PDE4D: variants seen among roughly 807,000 people sequenced by gnomAD.
The protein encoded by PDE4D is phosphodiesterase 4D, also known as 3',5'-cyclic-AMP phosphodiesterase 4D.
A neutral mutation model predicts 87.4 loss-of-function variants in PDE4D; 24 were observed. That is an observed-to-expected ratio of 0.27 (90% confidence interval 0.20 to 0.39). The LOEUF (loss-of-function observed/expected upper bound fraction) is 0.39. Ranked by LOEUF, PDE4D falls within the 10% of genes least tolerant of loss-of-function variation. The pLI is 1.00. For missense variants in PDE4D, 714 were observed against 1,041.0 expected, an observed-to-expected ratio of 0.69 and a Z score of 4.32; for synonymous variants, 384 against 383.2, an observed-to-expected ratio of 1.00 and a Z score of -0.02.
chr5:59,172,319 A>C (rs1783111491), intron 5 of PDE4D, among the ~76,000 whole-genome samples: 1 of 132,496 alleles, frequency 7.5e-6, no homozygotes. Context: ...AATTTTATAA[A>C]ATATATAATA....
chr5:59,810,661 C>T (rs926865310), intron 1 of PDE4D, among the ~76,000 whole-genome samples: 1 of 152,218 alleles, frequency 6.6e-6, no homozygotes, highest in Non-Finnish European at 1.5e-5. Context: ...CCACCAGCCT[C>T]AGGGTCACTG....
At chr5:59,191,434 A>C (rs1016283478) in intron 3 of PDE4D, among the ~76,000 whole-genome samples, 1 of 152,078 alleles carries the variant, frequency 6.6e-6, no homozygotes, top group Non-Finnish European at 1.5e-5. Flanking sequence ...TTTGGTTAGA[A>C]ACAAGAATAG....
At chr5:60,367,557 A>G (rs1760665520) in intron 1 of PDE4D, among the ~76,000 whole-genome samples, 1 of 151,930 alleles carries the variant, frequency 6.6e-6, no homozygotes, top group East Asian at 1.9e-4. Flanking sequence ...CTACTCCTTA[A>G]TAGAATATGA....
At chr5:60,465,810 C>T (rs1430044402) in intron 1 of PDE4D, among the ~76,000 whole-genome samples, 1 of 151,336 alleles carries the variant, frequency 6.6e-6, no homozygotes, top group Non-Finnish European at 1.5e-5. Flanking sequence ...TGGGCAAAAT[C>T]ATCTAACACA....
chr5:59,166,605 T>C (rs1288951202), intron 5 of PDE4D, among the ~76,000 whole-genome samples: 2 of 152,212 alleles, frequency 1.3e-5, no homozygotes, highest in Admixed American at 1.3e-4. Context: ...ATTGTAATGA[T>C]TTTAGGGCTC....
chr5:59,817,429 A>AC (rs1245534148), intron 1 of PDE4D, among the ~76,000 whole-genome samples: 1 of 152,202 alleles, frequency 6.6e-6, no homozygotes, highest in African/African-American at 2.4e-5. Context: ...TGGGAAAGAC[A>AC]CATAGTAAAC....
chr5:59,233,142 T>C (rs74932693), intron 1 of PDE4D, among the ~76,000 whole-genome samples: 2,592 of 152,224 alleles, frequency 0.017, 80 homozygotes, highest in African/African-American at 0.059. Flanking sequence ...TAATGTATCA[T>C]ATATTTCAAA....
At chr5:59,611,995 G>A (rs1325056505) in intron 1 of PDE4D, among the ~76,000 whole-genome samples, 2 of 152,072 alleles carry the variant, frequency 1.3e-5, no homozygotes, top group Non-Finnish European at 2.9e-5. Flanking sequence ...TTTTATCAAT[G>A]CCCCTGAGGT....
At position 60,311,798 on chromosome 5, in the gene PDE4D, C is replaced by T. The variant is rs115642615; in HGVS notation, c.-89-126111G>A. Among the ~76,000 whole-genome samples, 356 of 152,324 alleles carry T rather than the reference C, an allele frequency of 2.3e-3. 1 individual carries two copies. The highest frequency in any genetic ancestry group is 4.0e-3 in the Non-Finnish European group (270 of 68,024). ...AGTTGAATGAAGAAACAAGACCTAA[C>T]TGTATGCTATCTTCAAGAGACCCAT... is the stretch of plus-strand genomic sequence containing the variant. On this transcript the variant is annotated intron_variant, in intron 1 of 16. Transcript: ENST00000502484.
rs73761049 is a variant in PDE4D, at chr5:59,917,342, C to T, written c.272+71146G>A. 5.2e-3 allele frequency among the ~76,000 whole-genome samples: 791 copies of T among 152,144 alleles called. 3 individuals carry two copies. The highest frequency in any genetic ancestry group is 0.018 in the African/African-American group (762 of 41,510). On this transcript the variant is annotated intron_variant, in intron 3 of 16. Coordinates refer to the PDE4D transcript ENST00000502484. ...GCTTGTGACTCATGGCTTAGCTGGT[C>T]TCAATGGGGAACAAACCAGAGAGTC... is the stretch of plus-strand genomic sequence containing the variant.
chr5:60,206,251 C>T (rs1414151160), intron 1 of PDE4D, among the ~76,000 whole-genome samples: 1 of 152,194 alleles, frequency 6.6e-6, no homozygotes, highest in Admixed American at 6.5e-5. Flanking sequence ...TTAACACTGT[C>T]TCAGAAATTC....
At chr5:59,822,812 G>A (rs1023596389) in intron 1 of PDE4D, among the ~76,000 whole-genome samples, 1 of 152,140 alleles carries the variant, frequency 6.6e-6, no homozygotes, top group African/African-American at 2.4e-5. Context: ...CTTCAAATAT[G>A]ACAGTCAAGT....
Position 60,443,048 on chromosome 5 carries a change from A to T in PDE4D, c.-90+44894T>A, listed in dbSNP as rs909360222. 7.9e-5 allele frequency among the ~76,000 whole-genome samples: 12 copies of T among 152,288 alleles called. No individual in the cohort carries two copies. In the East Asian group the frequency reaches 1.2e-3, roughly 15 times the overall value. On this transcript the variant is annotated intron_variant, in intron 1 of 16. Coordinates refer to the PDE4D transcript ENST00000502484. ...GGACCACGGAAGAAACAGAAAATAA[A>T]ACAGAAAGATACGAGCAAATAGACA...
intron 1 of PDE4D, among the ~76,000 whole-genome samples, chr5:59,855,361 C>T (rs1247271981): frequency 6.6e-6 from 1 of 152,028 alleles, no homozygotes; most frequent in African/African-American, 2.4e-5. Flanking sequence ...TACAAAGATA[C>T]ACGTAATAAC....
intron 1 of PDE4D, among the ~76,000 whole-genome samples, chr5:59,817,775 G>A (rs1038464868): frequency 1.3e-5 from 2 of 150,500 alleles, no homozygotes; most frequent in African/African-American, 4.9e-5. Context: ...AAGGCCATGT[G>A]AGGACATAGT....
intron 2 of PDE4D, among the ~76,000 whole-genome samples, chr5:59,993,330 C>A (rs1763201348): frequency 6.6e-6 from 1 of 152,108 alleles, no homozygotes; most frequent in Non-Finnish European, 1.5e-5. Flanking sequence ...TATCCAGGCA[C>A]AAAGATGTTC....
intron 1 of PDE4D, among the ~76,000 whole-genome samples, chr5:59,720,690 T>A (rs1755701276): frequency 6.6e-6 from 1 of 152,108 alleles, no homozygotes; most frequent in Non-Finnish European, 1.5e-5. Context: ...AACATAGTGG[T>A]GTTCAAGACC....
rs1298391358 is a variant in PDE4D, at chr5:59,893,233, G to A, written c.390C>T (p.Thr130=). ...AMDRTSYAVE[T]GHRPGLKKSR... ...ATTTCTTCAGGCCGGGCCGGTGGCCGGTCTCCACCGCGTAGGAGGTGCGGT... is the reference window on the plus strand; with the variant it reads ...ATTTCTTCAGGCCGGGCCGGTGGCCAGTCTCCACCGCGTAGGAGGTGCGGT... Residue 130 remains threonine (T), a synonymous_variant, in exon 1 of 15, where the codon ACC becomes ACT. Transcript: ENST00000340635. The A allele has an allele frequency of 5.8e-6, 9 of 1,558,510 alleles. No individual in the cohort carries two copies. Among genetic ancestry groups the A allele is most frequent in the Non-Finnish European group, 6.1e-6 (7 of 1,150,966 alleles).
At chr5:59,837,527 A>G (rs1742317984) in intron 1 of PDE4D, among the ~76,000 whole-genome samples, 2 of 152,046 alleles carry the variant, frequency 1.3e-5, no homozygotes, top group South Asian at 4.2e-4. Flanking sequence ...AAGTGCTGGG[A>G]AAGTGTTTAT....
Sources: gnomAD v4.1 joint callset for allele counts (sites outside exome capture counted in the v4.1 genomes callset) on GRCh38, gnomAD v4.1.1 for gene constraint, MANE v1.5 for transcripts, NCBI Gene and HGNC (gene_info 2026-07-23, HGNC 2026-07-21) for gene names.